Variants in TENT4B observed in about 807,000 individuals in gnomAD.
The protein encoded by TENT4B is terminal nucleotidyltransferase 4B, also known as PAP associated domain containing 5.
A neutral mutation model predicts 75.0 loss-of-function variants in TENT4B; 10 were observed. The ratio of observed to expected loss-of-function variants is 0.13; its 90% CI spans 0.08 to 0.23. TENT4B has a LOEUF of 0.23. Among genes scored for constraint, TENT4B ranks in the 10% least tolerant of loss-of-function variants. The pLI, the probability that TENT4B is intolerant of heterozygous loss-of-function variation, is 1.00. For synonymous variants in TENT4B, 350 were observed against 357.7 expected (o/e 0.98, Z 0.24); for missense variants, 579 against 893.8 (o/e 0.65, Z 4.49).
chr16:50,172,157 C>A (rs1475001373), intron 1 of TENT4B, among the ~76,000 whole-genome samples: 4 of 152,170 alleles, frequency 2.6e-5, no homozygotes, highest in Non-Finnish European at 5.9e-5. Context: ...TGAGACCAAC[C>A]TGGCTAACAT....
chr16:50,154,020 C>G lies in TENT4B; in HGVS notation c.399C>G (p.Pro133=). ...RRAGSSASSP[P]SASSSPHPSA... is the part of the protein sequence containing the mutation. The stretch of plus-strand genomic sequence containing the variant: ...CGGGCTCCTCGGCGTCCTCGCCTCC[C>G]TCGGCGTCCTCGTCCCCGCACCCTT... Residue 133 remains proline, a synonymous_variant, in exon 1 of 12, where the codon CCC becomes CCG. Transcript: ENST00000561678. The G allele has an allele frequency of 1.3e-6, 2 of 1,533,622 alleles. No individual in the cohort carries two copies. Among genetic ancestry groups the G allele is most frequent in the Non-Finnish European group, 1.7e-6 (2 of 1,145,918 alleles).
At position 50,182,891 on chromosome 16, in the gene TENT4B, C is replaced by CTTTTTTTTTTTTTTTTTTTTTTTTTTTTT. The variant is rs869060811; in HGVS notation, c.639-28429_639-28401dup. Among the ~76,000 whole-genome samples the CTTTTTTTTTTTTTTTTTTTTTTTTTTTTT allele has an allele frequency of 2.2e-4, 8 of 36,470 alleles. 3 individuals carry two copies. Among genetic ancestry groups the CTTTTTTTTTTTTTTTTTTTTTTTTTTTTT allele is most frequent in the Admixed American group, 5.7e-4 (1 of 1,750 alleles). 23.9% of individuals were successfully genotyped at this position (36,470 alleles called of 152,430 possible). On this transcript the variant is annotated intron_variant, in intron 1 of 11. Coordinates refer to ENST00000561678, the MANE Select transcript of TENT4B (RefSeq NM_001365324.3). Reference sequence around the variant, plus strand: ...CCAAGTACAGCAAGTTTTATTTTACCTTTTTTTTTTTTTTTTTTTTTTTTT... The same window carrying CTTTTTTTTTTTTTTTTTTTTTTTTTTTTT: ...CCAAGTACAGCAAGTTTTATTTTACCTTTTTTTTTTTTTTTTTTTTTTTTTTTTTTTTTTTTTTTTTTTTTTTTTTTTTT...
At chr16:50,201,869 G>A (rs975858599) in intron 1 of TENT4B, among the ~76,000 whole-genome samples, 3 of 148,450 alleles carry the variant, frequency 2.0e-5, no homozygotes, top group Non-Finnish European at 4.5e-5. Context: ...ATACAGTGGT[G>A]CACACCTGTA....
chr16:50,182,194 G>A (rs1596680735), intron 1 of TENT4B, among the ~76,000 whole-genome samples: 1 of 152,056 alleles, frequency 6.6e-6, no homozygotes, highest in East Asian at 1.9e-4. Context: ...TTGAGCCTGG[G>A]AGGCAGAGGT....
rs143782753 is a variant in TENT4B at position 50,216,056 on chromosome 16, A to T, written c.810-19A>T. On this transcript the variant is annotated intron_variant, in intron 3 of 11. Coordinates refer to ENST00000561678, the MANE Select transcript of TENT4B (RefSeq NM_001365324.3). Reference sequence around the variant, plus strand: ...TTCCAACTTCTTCCGACCCTCTTGTATATGTATTCTGTGTTCAGTGACATC... The same window carrying T: ...TTCCAACTTCTTCCGACCCTCTTGTTTATGTATTCTGTGTTCAGTGACATC... 226 of 1,613,708 alleles carry T rather than the reference A, an allele frequency of 1.4e-4. 2 individuals are homozygous for T. The East Asian group carries it at 4.9e-3, about 35-fold the overall frequency.
intron 1 of TENT4B, among the ~76,000 whole-genome samples, chr16:50,201,013 G>A (rs1272341145): frequency 6.6e-6 from 1 of 151,848 alleles, no homozygotes; most frequent in Non-Finnish European, 1.5e-5. Context: ...TGTTACCCAG[G>A]TGGTCTTGAA....
rs991021919 is a variant in TENT4B, at chr16:50,217,495, C to T, written c.931-61C>T. ...ACCTCATGTCTAGTAGGCTTCCATC[C>T]CCTGATTTTATCATTTAATCTGGTT... On this transcript the variant is annotated intron_variant, in intron 4 of 11. Transcript: ENST00000561678. 8 of 889,340 alleles carry T rather than the reference C, an allele frequency of 9.0e-6. No individual in the cohort carries two copies. The African/African-American group carries it at 1.0e-4, about 12-fold the overall frequency. The allele number at this position is 889,340 out of a possible 1,614,324, so 55.1% of individuals were successfully genotyped here.
intron 6 of TENT4B, 27 bp downstream of exon 6, chr16:50,222,461 G>A (rs778676361): frequency 6.9e-6 from 11 of 1,602,844 alleles, no homozygotes; most frequent in South Asian, 1.1e-5. Flanking sequence ...TAGCATGCTA[G>A]TGCACACTAA....
chr16:50,224,443 T>A (rs1334555294), intron 7 of TENT4B, among the ~76,000 whole-genome samples: 2 of 152,152 alleles, frequency 1.3e-5, no homozygotes, highest in Non-Finnish European at 2.9e-5. Flanking sequence ...TGGGCCAGAA[T>A]ACATTCCGGC....
intron 1 of TENT4B, among the ~76,000 whole-genome samples, chr16:50,206,352 GTA>G (rs1422029612): frequency 3.0e-4 from 34 of 114,822 alleles, no homozygotes; most frequent in African/African-American, 1.0e-3. Flanking sequence ...ATATATGTAT[GTA>G]TTTTTTTTTT....
intron 1 of TENT4B, 25 bp from the exon 2 acceptor site, chr16:50,211,298 T>C: frequency 6.3e-7 from 1 of 1,596,088 alleles, no homozygotes; most frequent in Non-Finnish European, 8.5e-7. Flanking sequence ...CCTGTTCATA[T>C]TAACTTTTCT....
intron 1 of TENT4B, among the ~76,000 whole-genome samples, chr16:50,156,381 G>A (rs999920323): frequency 1.5e-4 from 21 of 144,136 alleles, no homozygotes; most frequent in Non-Finnish European, 2.8e-4. Flanking sequence ...TTTCGCTCTT[G>A]TTGCCCAGGC....
Position 50,232,053 on chromosome 16 carries a change from T to C in TENT4B, c.*2725T>C, listed in dbSNP as rs2032312276. On this transcript the variant is annotated 3_prime_UTR_variant, in exon 12 of 12. Coordinates refer to ENST00000561678, the MANE Select transcript of TENT4B (RefSeq NM_001365324.3). ...TCTGGTGACATTTCTCAGGCAGTCA[T>C]GTATGTGTACCTGGCCATTAGAAAT... 5.1e-6 allele frequency: 5 copies of C among 985,308 alleles called. No individual in the cohort carries two copies. The highest frequency in any genetic ancestry group is 4.7e-5 in the South Asian group (1 of 21,286). The allele number at this position is 985,308 out of a possible 1,614,324, so 61.0% of individuals were successfully genotyped here.
Position 50,224,758 on chromosome 16 carries a change from T to C in TENT4B, c.1483T>C (p.Tyr495His). The change falls in exon 8 of 12, where the codon TAC (tyrosine) becomes CAC (histidine). Residue 495 changes from tyrosine (Y) to histidine (H), a missense_variant. Around this residue, in one of 7 missense-constraint regions of TENT4B, gnomAD observed 71 missense variants for 210.6 expected, o/e 0.34. Transcript: ENST00000561678. ...TCATGCTGTATCACCAATAGCAAAG[T>C]ACTATCCCAACAATGAAACAGAAAG... ...LSHAVSPIAK[Y>H]YPNNETESIL... 6.2e-7 allele frequency: 1 copy of C among 1,614,018 alleles called. No homozygotes were observed. Among genetic ancestry groups the C allele is most frequent in the African/African-American group, 1.3e-5 (1 of 75,044 alleles).
At chr16:50,216,249 T>C in intron 4 of TENT4B, 54 bp downstream of exon 4, 1 of 1,596,292 alleles carries the variant, frequency 6.3e-7, no homozygotes, top group South Asian at 1.1e-5. Context: ...CTATGAAACT[T>C]GAATTAAAAT....
intron 1 of TENT4B, among the ~76,000 whole-genome samples, chr16:50,187,627 A>T (rs140396128): frequency 2.2e-4 from 34 of 152,230 alleles, no homozygotes; most frequent in African/African-American, 8.2e-4. Flanking sequence ...TTGCCTGTGG[A>T]TATCCAGTTT....
At chr16:50,155,949 T>A (rs1181748650) in intron 1 of TENT4B, among the ~76,000 whole-genome samples, 2 of 151,104 alleles carry the variant, frequency 1.3e-5, no homozygotes, top group Non-Finnish European at 3.0e-5. Context: ...AGATGCTTAT[T>A]TTTTTTTTGA....
intron 1 of TENT4B, among the ~76,000 whole-genome samples, chr16:50,195,290 A>C (rs2030155442): frequency 6.6e-6 from 1 of 152,210 alleles, no homozygotes; most frequent in South Asian, 2.1e-4. Flanking sequence ...CCCCCTCCAA[A>C]GCACAGCTAA....
At chr16:50,225,382 T>A (rs147822847) in intron 10 of TENT4B, 97 bp downstream of exon 10, 1 of 1,060,806 alleles carries the variant, frequency 9.4e-7, no homozygotes, top group African/African-American at 1.6e-5. Flanking sequence ...CTTCCTTTGC[T>A]TACATGTTAC....
Sources: allele counts gnomAD v4.1 joint callset (sites outside exome capture counted in the v4.1 genomes callset), GRCh38; gene constraint gnomAD v4.1.1; regional missense constraint gnomAD v4.1.1; transcripts MANE v1.5; gene names NCBI Gene and HGNC (gene_info 2026-07-23, HGNC 2026-07-21).